Variants in NAALADL2 observed in about 807,000 individuals in gnomAD.
NAALADL2 encodes the protein inactive N-acetylated-alpha-linked acidic dipeptidase-like protein 2.
A neutral mutation model predicts 87.2 loss-of-function variants in NAALADL2; 76 were observed. That is an observed-to-expected ratio of 0.87 (90% confidence interval 0.72 to 1.05). NAALADL2 has a LOEUF of 1.05. NAALADL2 is among the 50% of genes least tolerant of loss of function. The pLI, the probability that NAALADL2 is intolerant of heterozygous loss-of-function variation, is 0.00. For synonymous variants in NAALADL2, 354 were observed against 331.0 expected (o/e 1.07, Z -0.75); for missense variants, 1,089 against 945.8 (o/e 1.15, Z -1.99).
At chr3:174,452,458 G>A (rs1715552094) in intron 1 of NAALADL2, among the ~76,000 whole-genome samples, 1 of 152,142 alleles carries the variant, frequency 6.6e-6, no homozygotes, top group Admixed American at 6.5e-5. Flanking sequence ...TGGTATGTGT[G>A]AATGAGGACA....
At chr3:175,224,382 C>T (rs1357259410) in intron 2 of NAALADL2, among the ~76,000 whole-genome samples, 1 of 152,092 alleles carries the variant, frequency 6.6e-6, no homozygotes, top group Admixed American at 6.6e-5. Flanking sequence ...TTGACTGTGG[C>T]CAGGACCTGC....
At chr3:175,335,546 G>A (rs1305745838) in intron 5 of NAALADL2, among the ~76,000 whole-genome samples, 1 of 152,178 alleles carries the variant, frequency 6.6e-6, no homozygotes, top group Non-Finnish European at 1.5e-5. Context: ...CCAAAACATA[G>A]ATGAGTGCTC....
At chr3:175,342,344 T>C (rs898165299) in intron 5 of NAALADL2, among the ~76,000 whole-genome samples, 1 of 152,088 alleles carries the variant, frequency 6.6e-6, no homozygotes, top group Non-Finnish European at 1.5e-5. Context: ...TGGGGAGTTA[T>C]GTGAGATAAG....
chr3:174,537,673 G>A (rs528681234), intron 1 of NAALADL2, among the ~76,000 whole-genome samples: 19 of 152,174 alleles, frequency 1.2e-4, no homozygotes, highest in Non-Finnish European at 2.4e-4. Flanking sequence ...GCTAGGTATG[G>A]CTACTCAGGG....
At chr3:175,059,644 C>T (rs969378204) in intron 1 of NAALADL2, 3 of 361,910 alleles carry the variant, frequency 8.3e-6, no homozygotes, top group East Asian at 8.6e-5. Context: ...TTTTGGCTTT[C>T]TTTGATTCAT....
intron 1 of NAALADL2, among the ~76,000 whole-genome samples, chr3:175,069,763 A>C (rs1469879423): frequency 6.6e-6 from 1 of 151,976 alleles, no homozygotes; most frequent in Admixed American, 6.6e-5. Context: ...GAACCAACGC[A>C]AATGTCCAAC....
intron 10 of NAALADL2, among the ~76,000 whole-genome samples, chr3:175,620,324 G>T (rs1436645599): frequency 1.3e-5 from 2 of 152,168 alleles, no homozygotes; most frequent in Non-Finnish European, 2.9e-5. Context: ...TCCACGCTTA[G>T]CACGCAGCTG....
chr3:175,549,036 A>T (rs568851640), intron 9 of NAALADL2, among the ~76,000 whole-genome samples: 1 of 152,170 alleles, frequency 6.6e-6, no homozygotes, highest in East Asian at 1.9e-4. Flanking sequence ...TAAGAAATTC[A>T]AGCTCTCCTT....
chr3:174,708,830 T>C (rs1730359268), intron 2 of NAALADL2, among the ~76,000 whole-genome samples: 1 of 152,138 alleles, frequency 6.6e-6, no homozygotes, highest in Non-Finnish European at 1.5e-5. Flanking sequence ...CTTAGAAATA[T>C]TGAAGAGGAA....
At chr3:175,707,358 A>AT in intron 11 of NAALADL2, among the ~76,000 whole-genome samples, 1 of 152,204 alleles carries the variant, frequency 6.6e-6, no homozygotes, top group South Asian at 2.1e-4. Flanking sequence ...GTTCTTTTTA[A>AT]TTTTTTCAAC....
chr3:175,445,682 T>C (rs899832873), intron 5 of NAALADL2, among the ~76,000 whole-genome samples: 1 of 152,234 alleles, frequency 6.6e-6, no homozygotes, highest in Non-Finnish European at 1.5e-5. Context: ...ATTATGACTA[T>C]GTAAATATTA....
At chr3:174,661,027 A>G (rs546773682) in intron 2 of NAALADL2, among the ~76,000 whole-genome samples, 1 of 152,306 alleles carries the variant, frequency 6.6e-6, no homozygotes, top group African/African-American at 2.4e-5. Context: ...AATAGGGAAA[A>G]GTGTAGCCAC....
chr3:174,510,599 A>T (rs562294235), intron 1 of NAALADL2, among the ~76,000 whole-genome samples: 1 of 151,880 alleles, frequency 6.6e-6, no homozygotes, highest in East Asian at 1.9e-4. Context: ...TTTCTTGATA[A>T]ATCTGGTTAG....
At chr3:175,786,557 C>T (rs1181102999) in intron 13 of NAALADL2, among the ~76,000 whole-genome samples, 1 of 152,128 alleles carries the variant, frequency 6.6e-6, no homozygotes, top group Non-Finnish European at 1.5e-5. Flanking sequence ...CCATCAGCTC[C>T]TTTAAGCACT....
chr3:174,944,531 G>A (rs778997874), intron 1 of NAALADL2, among the ~76,000 whole-genome samples: 1 of 152,280 alleles, frequency 6.6e-6, no homozygotes, highest in Non-Finnish European at 1.5e-5. Flanking sequence ...TGGAAGTATG[G>A]CCTGCAGACT....
At chr3:174,753,222 C>A (rs555964550) in intron 3 of NAALADL2, among the ~76,000 whole-genome samples, 1 of 152,016 alleles carries the variant, frequency 6.6e-6, no homozygotes, top group Admixed American at 6.6e-5. Flanking sequence ...TACAGGCATG[C>A]GCCACCATGC....
rs1460564996 is a variant in NAALADL2, at chr3:175,489,958, T to C, written c.1653+18200T>C. Among the ~76,000 whole-genome samples the C allele has an allele frequency of 2.0e-5, 3 of 152,310 alleles. No homozygotes were observed. The East Asian group carries it at 5.8e-4, about 29-fold the overall frequency. On this transcript the variant is annotated intron_variant, in intron 9 of 13. Coordinates refer to ENST00000454872, the MANE Select transcript of NAALADL2 (RefSeq NM_207015.3). ...AAAGTAACACCTAGATTTTTCTTGG[T>C]ACCCATACCCTCCTCCGTTTTTAGC...
intron 4 of NAALADL2, among the ~76,000 whole-genome samples, chr3:175,262,903 A>G (rs1266996606): frequency 1.3e-5 from 2 of 151,904 alleles, no homozygotes; most frequent in African/African-American, 2.4e-5. Context: ...ATGAACAAAA[A>G]TGAAAAGCAA....
At chr3:175,780,867 T>C (rs1479083816) in intron 13 of NAALADL2, among the ~76,000 whole-genome samples, 1 of 152,212 alleles carries the variant, frequency 6.6e-6, no homozygotes, top group Non-Finnish European at 1.5e-5. Flanking sequence ...TTGCTGTACT[T>C]GAAGGATTAA....
Sources: allele counts gnomAD v4.1 joint callset (sites outside exome capture counted in the v4.1 genomes callset), GRCh38; gene constraint gnomAD v4.1.1; transcripts MANE v1.5; gene names NCBI Gene and HGNC (gene_info 2026-07-23, HGNC 2026-07-21).